The following ANXA8 variants were observed in gnomAD, a reference collection of about 807,000 sequenced individuals.
ANXA8 encodes the protein VAC-beta.
ANXA8 carries 9 observed loss-of-function variants against 26.8 expected under a neutral mutation model. The ratio of observed to expected loss-of-function variants is 0.34; its 90% CI spans 0.20 to 0.59. The LOEUF is 0.59. Ranked by LOEUF, ANXA8 falls within the 20% of genes least tolerant of loss-of-function variation. The pLI, the probability that ANXA8 is intolerant of heterozygous loss-of-function variation, is 0.84. For missense variants in ANXA8, 83 were observed against 238.5 expected, an observed-to-expected ratio of 0.35 and a Z score of 4.29; for synonymous variants, 39 against 94.8, an observed-to-expected ratio of 0.41 and a Z score of 3.42.
chr10:47,969,713 ATCT>A, the ANXA8 span, among the ~76,000 whole-genome samples: 3 of 148,698 alleles, frequency 2.0e-5, no homozygotes, highest in Admixed American at 6.8e-5. Flanking sequence ...CCTCTTGTGA[ATCT>A]TCTTTTTTCT....
At chr10:47,747,880 T>C in the ANXA8 span, among the ~76,000 whole-genome samples, 6 of 151,904 alleles carry the variant, frequency 3.9e-5, no homozygotes, top group African/African-American at 1.5e-4. Flanking sequence ...AATACAATAA[T>C]TGAAATTAAC....
chr10:47,500,501 C>T, the ANXA8 span, among the ~76,000 whole-genome samples: 3 of 151,518 alleles, frequency 2.0e-5, no homozygotes, highest in Non-Finnish European at 2.9e-5. Context: ...TTGCCAGAGC[C>T]TCTTGGTCTT....
chr10:47,986,112 T>A, the ANXA8 span: 1 of 150,304 alleles, frequency 6.7e-6, no homozygotes, highest in African/African-American at 2.4e-5. Context: ...GATAAAAACC[T>A]AAGGATGGAC....
chr10:47,776,148 A>G, the ANXA8 span, among the ~76,000 whole-genome samples: 16 of 151,816 alleles, frequency 1.1e-4, no homozygotes, highest in African/African-American at 2.2e-4. Flanking sequence ...AGCAATGGCT[A>G]TTTCTGAAGT....
chr10:47,546,009 A>G, the ANXA8 span, among the ~76,000 whole-genome samples: 1 of 65,486 alleles, frequency 1.5e-5, no homozygotes, highest in Non-Finnish European at 2.9e-5. Context: ...AAGAATTCTA[A>G]TGCATGAGAA....
chr10:47,762,473 GAGCGGGCCTC>G, the ANXA8 span, among the ~76,000 whole-genome samples: 1 of 135,472 alleles, frequency 7.4e-6, no homozygotes, highest in Non-Finnish European at 1.6e-5. Context: ...TGACCGCGAA[GAGCGGGCCTC>G]AGCGTCTACT....
At chr10:47,778,954 C>T in the ANXA8 span, among the ~76,000 whole-genome samples, 1 of 151,312 alleles carries the variant, frequency 6.6e-6, no homozygotes, top group African/African-American at 2.4e-5. Flanking sequence ...TGATTTCTGC[C>T]TACATTATGA....
At chr10:47,580,359 C>T in the ANXA8 span, among the ~76,000 whole-genome samples, 1 of 152,348 alleles carries the variant, frequency 6.6e-6, no homozygotes, top group African/African-American at 2.4e-5. Flanking sequence ...ATATATATTC[C>T]TCTCAAGTGC....
chr10:47,502,554 T>C, the ANXA8 span: 1 of 1,611,860 alleles, frequency 6.2e-7, no homozygotes, highest in Admixed American at 1.7e-5. Context: ...TGAGCTCAAC[T>C]GGCCAGTCAT....
the ANXA8 span, among the ~76,000 whole-genome samples, chr10:47,585,263 CAAAAAAAAAAAA>C: frequency 1.6e-4 from 7 of 43,590 alleles, no homozygotes; most frequent in Non-Finnish European, 2.3e-4. Flanking sequence ...GACTCCATCT[CAAAAAAAAAAAA>C]AAAAAAAAAA....
the ANXA8 span, among the ~76,000 whole-genome samples, chr10:47,969,396 A>G: frequency 1.3e-5 from 2 of 150,364 alleles, no homozygotes; most frequent in African/African-American, 4.9e-5. Context: ...TGCTTAGAGC[A>G]CCACAAATCT....
the ANXA8 span, among the ~76,000 whole-genome samples, chr10:47,704,809 C>G: frequency 6.6e-6 from 1 of 151,884 alleles, no homozygotes; most frequent in African/African-American, 2.4e-5. Context: ...ATAAATGTAA[C>G]AAAGTATGTG....
the ANXA8 span, among the ~76,000 whole-genome samples, chr10:47,777,740 C>A: frequency 6.6e-6 from 1 of 152,082 alleles, no homozygotes; most frequent in African/African-American, 2.4e-5. Flanking sequence ...TTCCATGGCA[C>A]AACTAAAGGG....
At chr10:47,965,974 T>C in the ANXA8 span, among the ~76,000 whole-genome samples, 2 of 90,046 alleles carry the variant, frequency 2.2e-5, no homozygotes, top group African/African-American at 7.1e-5. Flanking sequence ...GCTGGGGGAA[T>C]TGTTCCACCC....
chr10:47,717,997 CAAAAAAAA>C, the ANXA8 span, among the ~76,000 whole-genome samples: 4 of 55,490 alleles, frequency 7.2e-5, no homozygotes, highest in African/African-American at 1.7e-4. Flanking sequence ...TACTCTGTCT[CAAAAAAAA>C]AAAAAAAAAA....
the ANXA8 span, among the ~76,000 whole-genome samples, chr10:47,618,508 G>T: frequency 1.8e-5 from 2 of 111,764 alleles, no homozygotes; most frequent in East Asian, 4.3e-4. Context: ...ATTCTTTAGA[G>T]AATCAAATTC....
the ANXA8 span, chr10:47,568,138 G>T: frequency 5.1e-6 from 1 of 194,826 alleles, no homozygotes. Context: ...GGGTTCAGGC[G>T]ATTCTCCTTG....
At chr10:47,898,740 C>T in the ANXA8 span, among the ~76,000 whole-genome samples, 11 of 100,310 alleles carry the variant, frequency 1.1e-4, no homozygotes, top group South Asian at 4.3e-4. Context: ...TTTGTGCATT[C>T]TTCAAATATG....
rs1332480769 is a variant in ANXA8 at position 47,484,104 on chromosome 10, C to G, written c.-171G>C. 205 of 1,550,234 alleles carry G rather than the reference C, an allele frequency of 1.3e-4. 3 individuals are homozygous for G. The African/African-American group carries it at 2.5e-3, about 19-fold the overall frequency. On this transcript the variant is annotated 5_prime_UTR_variant, in exon 1 of 12. Transcript: ENST00000585281. ...GCCACACCTGCCTGCCGTCCCCTCG[C>G]CCCCGGGCTCTGCCTGGCTTTGGGC...
Sources: gnomAD v4.1 joint callset for allele counts (sites outside exome capture counted in the v4.1 genomes callset) on GRCh38, gnomAD v4.1.1 for gene constraint, MANE v1.5 for transcripts, NCBI Gene and HGNC (gene_info 2026-07-23, HGNC 2026-07-21) for gene names.